The following SOX6 variants were observed in gnomAD, a reference collection of about 807,000 sequenced individuals.
The protein encoded by SOX6 is SRY-box transcription factor 6, also known as transcription factor SOX-6.
A neutral mutation model predicts 97.8 loss-of-function variants in SOX6; 11 were observed. The observed-to-expected ratio is 0.11, with a 90% confidence interval of 0.07 to 0.19. The LOEUF is 0.19. Among genes scored for constraint, SOX6 ranks in the 10% least tolerant of loss-of-function variants. SOX6 has a pLI of 1.00. For missense variants in SOX6, 810 were observed against 1,039.5 expected, an observed-to-expected ratio of 0.78 and a Z score of 3.04; for synonymous variants, 360 against 371.4, an observed-to-expected ratio of 0.97 and a Z score of 0.35.
At chr11:16,604,307 C>CT (rs1848306841) in intron 4 of SOX6, among the ~76,000 whole-genome samples, 1 of 152,218 alleles carries the variant, frequency 6.6e-6, no homozygotes, top group Non-Finnish European at 1.5e-5. Context: ...ACCACTTGAC[C>CT]TTTTTTATTC....
At chr11:16,340,925 G>C in intron 2 of SOX6, 87 bp downstream of exon 2, 2 of 1,568,490 alleles carry the variant, frequency 1.3e-6, no homozygotes, top group Non-Finnish European at 1.7e-6. Context: ...TAACTCTAAG[G>C]TCATCTATTT....
chr11:16,317,945 A>G (rs1337655870), intron 3 of SOX6: 2 of 451,890 alleles, frequency 4.4e-6, no homozygotes, highest in Non-Finnish European at 8.9e-6. Flanking sequence ...CATGTATCAA[A>G]GAAGTCACTC....
At chr11:16,373,184 T>C (rs1447899747) in intron 1 of SOX6, among the ~76,000 whole-genome samples, 1 of 152,064 alleles carries the variant, frequency 6.6e-6, no homozygotes, top group Non-Finnish European at 1.5e-5. Flanking sequence ...GGCAAAACTA[T>C]CTCAACTTTT....
chr11:16,031,167 G>A (rs539664750), intron 12 of SOX6, among the ~76,000 whole-genome samples: 9 of 152,310 alleles, frequency 5.9e-5, no homozygotes, highest in Admixed American at 5.9e-4. Context: ...CTAGAAGACA[G>A]ATCTCCAGCT....
At chr11:16,275,285 C>CAAAAAAAAAAAAAAAAAAAAA (rs869208945) in intron 3 of SOX6, among the ~76,000 whole-genome samples, 1 of 123,064 alleles carries the variant, frequency 8.1e-6, no homozygotes, top group African/African-American at 3.3e-5. Context: ...ACCAAAAATA[C>CAAAAAAAAAAAAAAAAAAAAA]AAAAAAAAAA....
At chr11:16,597,916 T>C (rs1462549577) in intron 4 of SOX6, among the ~76,000 whole-genome samples, 1 of 152,038 alleles carries the variant, frequency 6.6e-6, no homozygotes, top group Non-Finnish European at 1.5e-5. Context: ...GACCATAGAT[T>C]AATTCTCCTT....
chr11:16,582,249 T>G (rs1848038448), intron 4 of SOX6, among the ~76,000 whole-genome samples: 1 of 152,124 alleles, frequency 6.6e-6, no homozygotes, highest in Non-Finnish European at 1.5e-5. Context: ...ACCCCAAACC[T>G]CAGCATCACA....
At chr11:16,530,734 A>C (rs1861225894) in intron 4 of SOX6, among the ~76,000 whole-genome samples, 1 of 151,928 alleles carries the variant, frequency 6.6e-6, no homozygotes, top group South Asian at 2.1e-4. Flanking sequence ...GAGCTGAATA[A>C]AGAAGAAACA....
At chr11:16,622,632 A>C (rs902247251) in intron 3 of SOX6, among the ~76,000 whole-genome samples, 38 of 152,170 alleles carry the variant, frequency 2.5e-4, no homozygotes, top group African/African-American at 8.2e-4. Context: ...GTATTCCATC[A>C]TATATAAACC....
chr11:16,241,637 T>C (rs143875433), intron 3 of SOX6, among the ~76,000 whole-genome samples: 94 of 152,134 alleles, frequency 6.2e-4, no homozygotes, highest in African/African-American at 2.2e-3. Context: ...TCAATCATAG[T>C]TCTATGTTGC....
At chr11:16,401,439 A>G (rs1349672036) in intron 1 of SOX6, among the ~76,000 whole-genome samples, 2 of 151,494 alleles carry the variant, frequency 1.3e-5, no homozygotes, top group African/African-American at 4.8e-5. Context: ...GCTTTATTCC[A>G]TCTCTCCTCA....
At chr11:16,470,269 G>A (rs190877527) in intron 1 of SOX6, among the ~76,000 whole-genome samples, 26 of 152,012 alleles carry the variant, frequency 1.7e-4, no homozygotes, top group Non-Finnish European at 3.2e-4. Context: ...CCTGCTCTAT[G>A]TCAAGATTAG....
intron 4 of SOX6, among the ~76,000 whole-genome samples, chr11:16,194,732 A>G (rs1333013831): frequency 3.3e-5 from 5 of 152,202 alleles, no homozygotes; most frequent in East Asian, 1.9e-4. Context: ...TCCTGGATCA[A>G]CTGAGGTCTA....
intron 9 of SOX6, among the ~76,000 whole-genome samples, chr11:16,082,301 T>TC (rs1848489806): frequency 6.6e-6 from 1 of 152,186 alleles, no homozygotes; most frequent in South Asian, 2.1e-4. Flanking sequence ...AGAGGATCTG[T>TC]TAAATAAGTC....
At chr11:16,518,359 C>T (rs1590230781) in intron 4 of SOX6, among the ~76,000 whole-genome samples, 2 of 152,206 alleles carry the variant, frequency 1.3e-5, no homozygotes, top group African/African-American at 4.8e-5. Flanking sequence ...CGAAGCCCTC[C>T]TGAAAGTTAA....
chr11:16,401,137 C>T (rs1858547332), intron 1 of SOX6, among the ~76,000 whole-genome samples: 1 of 151,388 alleles, frequency 6.6e-6, no homozygotes, highest in Non-Finnish European at 1.5e-5. Flanking sequence ...AATACAAAAA[C>T]TAGGAAAAAG....
intron 3 of SOX6, among the ~76,000 whole-genome samples, chr11:16,630,305 T>C (rs1309062927): frequency 1.3e-5 from 2 of 152,210 alleles, no homozygotes; most frequent in South Asian, 2.1e-4. Flanking sequence ...TTTCATTTTT[T>C]TCAAATAATG....
At chr11:16,364,333 C>G (rs1027676994) in intron 1 of SOX6, among the ~76,000 whole-genome samples, 1 of 152,064 alleles carries the variant, frequency 6.6e-6, no homozygotes, top group Non-Finnish European at 1.5e-5. Context: ...AAAAAAATAA[C>G]TTAGTAGCCC....
At chr11:16,012,378 G>GTATTAGAAGTGCAGTGTTCTAATACCTGT (rs1457247027) in intron 13 of SOX6, among the ~76,000 whole-genome samples, 1 of 151,946 alleles carries the variant, frequency 6.6e-6, no homozygotes, top group African/African-American at 2.4e-5. Flanking sequence ...CTGCACTTCG[G>GTATTAGAAGTGCAGTGTTCTAATACCTGT]TCGGTATTAG....
Sources: allele counts gnomAD v4.1 joint callset (sites outside exome capture counted in the v4.1 genomes callset), GRCh38; gene constraint gnomAD v4.1.1; transcripts MANE v1.5; gene names NCBI Gene and HGNC (gene_info 2026-07-23, HGNC 2026-07-21).